The following PYGO1 variants were observed in gnomAD, a reference collection of about 807,000 sequenced individuals.
PYGO1 encodes the protein pygopus homolog 1.
Under a neutral mutation model 29.5 loss-of-function variants are expected in PYGO1, and 6 were observed. The observed-to-expected ratio is 0.20, with a 90% CI of 0.11 to 0.40. The LOEUF (loss-of-function observed/expected upper bound fraction) is 0.40, where lower values mean the gene tolerates loss of function less well. Among genes scored for constraint, PYGO1 ranks in the 10% least tolerant of loss-of-function variants. The pLI, the probability that PYGO1 is intolerant of heterozygous loss-of-function variation, is 1.00. For synonymous variants in PYGO1, 186 were observed against 180.5 expected, an observed-to-expected ratio of 1.03 and a Z score of -0.24; for missense variants, 515 against 514.9, an observed-to-expected ratio of 1.00 and a Z score of 0.00.
At chr15:55,582,767 G>T (rs750968393) in intron 1 of PYGO1, among the ~76,000 whole-genome samples, 1 of 152,006 alleles carries the variant, frequency 6.6e-6, no homozygotes, top group African/African-American at 2.4e-5. Context: ...CTGATAATCT[G>T]CCTAGCTCTT....
chr15:55,556,122 T>A (rs1242589833), intron 1 of PYGO1, among the ~76,000 whole-genome samples: 2 of 152,070 alleles, frequency 1.3e-5, no homozygotes, highest in African/African-American at 4.8e-5. Flanking sequence ...ACAAAGATAT[T>A]CAGGACCTGC....
chr15:55,555,799 GAC>G (rs1381584899), intron 1 of PYGO1, among the ~76,000 whole-genome samples: 2 of 151,914 alleles, frequency 1.3e-5, no homozygotes, highest in Admixed American at 1.3e-4. Context: ...CACAGGCAAA[GAC>G]ACACATAGGC....
chr15:55,562,441 G>A (rs1205513496), intron 1 of PYGO1, among the ~76,000 whole-genome samples: 1 of 152,218 alleles, frequency 6.6e-6, no homozygotes, highest in African/African-American at 2.4e-5. Context: ...GGAGGCTGAG[G>A]TGGGCAGATC....
rs995155228 is a variant in PYGO1 at position 55,543,945 on chromosome 15, A to G, written c.*2078T>C. The G allele has an allele frequency of 1.3e-5, 2 of 152,206 alleles. No individual in the cohort carries two copies. The highest frequency in any genetic ancestry group is 4.8e-5 in the African/African-American group (2 of 41,462). The allele number at this position is 152,206 out of a possible 1,614,324, so 9.4% of individuals were successfully genotyped here. A position where few individuals can be genotyped will look rare whatever the true frequency, so the allele number is the denominator to read the frequency against. On this transcript the variant is annotated 3_prime_UTR_variant, in exon 3 of 3. Coordinates refer to ENST00000563719, the MANE Select transcript of PYGO1 (RefSeq NM_001367806.1). Reference sequence around the variant, plus strand: ...AAATCCAAGTAAAATGAGATCTTCAAGTACACTACTGAACACCATCAAATG... The same window carrying G: ...AAATCCAAGTAAAATGAGATCTTCAGGTACACTACTGAACACCATCAAATG...
chr15:55,570,502 T>C lies in PYGO1; in HGVS notation c.49+17333A>G, dbSNP rs2058975824. On this transcript the variant is annotated intron_variant, in intron 1 of 2. Coordinates refer to ENST00000563719, the MANE Select transcript of PYGO1 (RefSeq NM_001367806.1). The stretch of plus-strand genomic sequence containing the variant: ...GAGTGTTTCATCCTTTTCTTAGTGA[T>C]TTATGGAAGCTTTTCATATACTAAA... Among the ~76,000 whole-genome samples, 3 of 148,816 alleles carry C rather than the reference T, an allele frequency of 2.0e-5. No homozygotes were observed. The Admixed American group carries it at 2.0e-4, about 10-fold the overall frequency.
intron 1 of PYGO1, among the ~76,000 whole-genome samples, chr15:55,551,792 G>A (rs1255559552): frequency 6.6e-6 from 1 of 151,968 alleles, no homozygotes; most frequent in East Asian, 1.9e-4. Flanking sequence ...GGGCAACAGA[G>A]CAAGACCCCA....
Position 55,546,744 on chromosome 15 carries a change from G to A in PYGO1, c.539C>T (p.Pro180Leu), listed in dbSNP as rs1483049712. Residue 180 changes from proline to leucine, a missense_variant, in exon 3 of 3, where the codon CCT (proline) becomes CTT (leucine). Physicochemically the swap from Pro to Leu is moderately conservative, Grantham distance 98 (BLOSUM62 -3). Transcript: ENST00000563719. ...NMPNQHFRQN[P>L]AENFSQIPPQ... ...AGGAATTTGACTGAAATTTTCAGCAGGATTTTGTCTAAAATGTTGATTAGG... is the reference window on the plus strand; with the variant it reads ...AGGAATTTGACTGAAATTTTCAGCAAGATTTTGTCTAAAATGTTGATTAGG... 6.2e-7 allele frequency: 1 copy of A among 1,613,946 alleles called. No homozygotes were observed. Among genetic ancestry groups the A allele is most frequent in the Non-Finnish European group, 8.5e-7 (1 of 1,179,974 alleles).
chr15:55,575,146 G>C (rs2141672211), intron 1 of PYGO1, among the ~76,000 whole-genome samples: 1 of 152,214 alleles, frequency 6.6e-6, no homozygotes, highest in South Asian at 2.1e-4. Context: ...TATATATGAA[G>C]TTTTAAACTA....
intron 1 of PYGO1, among the ~76,000 whole-genome samples, chr15:55,571,038 C>T (rs1160466636): frequency 1.3e-5 from 2 of 151,356 alleles, no homozygotes; most frequent in African/African-American, 2.4e-5. Flanking sequence ...CCTTCTCCAT[C>T]CCCTATGATC....
At chr15:55,571,681 A>C (rs2058980845) in intron 1 of PYGO1, among the ~76,000 whole-genome samples, 1 of 152,168 alleles carries the variant, frequency 6.6e-6, no homozygotes, top group South Asian at 2.1e-4. Context: ...ATGGAACTGT[A>C]AGTCCATTAA....
intron 1 of PYGO1, among the ~76,000 whole-genome samples, chr15:55,585,303 C>A (rs2059041949): frequency 6.6e-6 from 1 of 152,158 alleles, no homozygotes; most frequent in Non-Finnish European, 1.5e-5. Context: ...TTAAAAAGGT[C>A]TGTCTCTATC....
chr15:55,583,842 C>T (rs2059035372), intron 1 of PYGO1, among the ~76,000 whole-genome samples: 2 of 152,122 alleles, frequency 1.3e-5, no homozygotes, highest in Admixed American at 6.5e-5. Flanking sequence ...AATGTGGTTT[C>T]CTCCTAAAAA....
At chr15:55,580,324 C>T (rs2059020315) in intron 1 of PYGO1, among the ~76,000 whole-genome samples, 1 of 152,158 alleles carries the variant, frequency 6.6e-6, no homozygotes. Context: ...AAAACCATTT[C>T]TGTTCTCTTC....
In PYGO1 at chr15:55,581,714, C is replaced by T. The variant is rs561401021; in HGVS notation, c.49+6121G>A. ...TCACATATTTACTGAGAGGATTAAGCAGGAAGATCCATTTAAAACACTCAG... is the reference window on the plus strand; with the variant it reads ...TCACATATTTACTGAGAGGATTAAGTAGGAAGATCCATTTAAAACACTCAG... On this transcript the variant is annotated intron_variant, in intron 1 of 2. Coordinates refer to ENST00000563719, the MANE Select transcript of PYGO1 (RefSeq NM_001367806.1). Among the ~76,000 whole-genome samples, 5 of 152,236 alleles carry T rather than the reference C, an allele frequency of 3.3e-5. No individual in the cohort carries two copies. The South Asian group carries it at 1.0e-3, about 32-fold the overall frequency.
At chr15:55,582,656 G>A (rs1371437431) in intron 1 of PYGO1, among the ~76,000 whole-genome samples, 4 of 152,046 alleles carry the variant, frequency 2.6e-5, no homozygotes, top group Admixed American at 6.6e-5. Flanking sequence ...CTCTACTTCT[G>A]GGTGAACTCA....
intron 1 of PYGO1, among the ~76,000 whole-genome samples, chr15:55,557,020 G>T (rs2058908934): frequency 6.6e-6 from 1 of 151,734 alleles, no homozygotes; most frequent in African/African-American, 2.4e-5. Flanking sequence ...ACCCAAAGAA[G>T]CCCAGGACCA....
At chr15:55,560,482 G>T (rs2058928397) in intron 1 of PYGO1, among the ~76,000 whole-genome samples, 2 of 152,088 alleles carry the variant, frequency 1.3e-5, no homozygotes, top group South Asian at 2.1e-4. Flanking sequence ...GAGACGTAAA[G>T]GACCTCTTCA....
chr15:55,577,475 C>G (rs1304140967), intron 1 of PYGO1, among the ~76,000 whole-genome samples: 3 of 152,222 alleles, frequency 2.0e-5, no homozygotes, highest in Admixed American at 2.0e-4. Flanking sequence ...AAATCTGTCT[C>G]AGATACTTTT....
intron 1 of PYGO1, among the ~76,000 whole-genome samples, chr15:55,559,200 CACTATGCAGCCAACAGATACAT>C (rs1164686210): frequency 6.6e-6 from 1 of 152,166 alleles, no homozygotes; most frequent in East Asian, 1.9e-4. Flanking sequence ...CAAAAGAAGA[CACTATGCAGCCAACAGATACAT>C]GAAAAAATGC....
Sources: gnomAD v4.1 joint callset for allele counts (sites outside exome capture counted in the v4.1 genomes callset) on GRCh38, gnomAD v4.1.1 for gene constraint, MANE v1.5 for transcripts, NCBI Gene and HGNC (gene_info 2026-07-23, HGNC 2026-07-21) for gene names.